The following BCAS3 variants were observed in gnomAD, a reference collection of about 807,000 sequenced individuals.
BCAS3 encodes BCAS4/BCAS3 fusion.
Under a neutral mutation model 116.1 loss-of-function variants are expected in BCAS3, and 53 were observed. The ratio of observed to expected loss-of-function variants is 0.46; its 90% CI spans 0.37 to 0.57. The LOEUF (loss-of-function observed/expected upper bound fraction) is 0.57, where lower values mean the gene tolerates loss of function less well. Among genes scored for constraint, BCAS3 ranks in the 20% least tolerant of loss-of-function variants. The probability of loss-of-function intolerance (pLI) is 0.00; values close to 1 mark genes in which losing one functional copy is unlikely to be tolerated. For missense variants in BCAS3, 917 were observed against 1,165.4 expected, an observed-to-expected ratio of 0.79 and a Z score of 3.10; for synonymous variants, 391 against 408.2, an observed-to-expected ratio of 0.96 and a Z score of 0.51.
intron 6 of BCAS3, among the ~76,000 whole-genome samples, chr17:60,752,422 AT>A (rs61036201): frequency 0.73 from 107,432 of 146,744 alleles, 44,433 homozygotes; most frequent in South Asian, 0.98. Flanking sequence ...TGTGTATTTC[AT>A]TTTTTTTTTT....
rs973724974 is a variant in BCAS3, at chr17:60,873,900, C to T, written c.585-762C>T. ...TTCATTTCCTTTTGAGACAGGATCT[C>T]ACTATGTTGCCTAGGCTGGTCTCAA... On this transcript the variant is annotated intron_variant, in intron 8 of 23. Transcript: ENST00000407086. 3.9e-5 allele frequency among the ~76,000 whole-genome samples: 6 copies of T among 152,086 alleles called. 1 individual carries two copies. In the South Asian group the frequency reaches 1.2e-3, roughly 32 times the overall value.
At chr17:60,972,802 A>T (rs1266207777) in intron 14 of BCAS3, among the ~76,000 whole-genome samples, 4 of 152,210 alleles carry the variant, frequency 2.6e-5, no homozygotes, top group Non-Finnish European at 5.9e-5. Flanking sequence ...ATGTTGAAGT[A>T]CATGGCTGGG....
At chr17:60,972,205 C>T (rs1313040238) in intron 14 of BCAS3, among the ~76,000 whole-genome samples, 2 of 152,144 alleles carry the variant, frequency 1.3e-5, no homozygotes, top group African/African-American at 4.8e-5. Flanking sequence ...GTTATATATT[C>T]ACCAACATAA....
intron 13 of BCAS3, among the ~76,000 whole-genome samples, chr17:60,932,617 C>G (rs1490364106): frequency 6.6e-6 from 1 of 151,672 alleles, no homozygotes; most frequent in African/African-American, 2.4e-5. Flanking sequence ...TGGCGGGCAC[C>G]TGTAGTCTCA....
intron 22 of BCAS3, among the ~76,000 whole-genome samples, chr17:61,328,021 T>C (rs927234594): frequency 4.6e-5 from 7 of 152,114 alleles, no homozygotes; most frequent in African/African-American, 9.7e-5. Flanking sequence ...CACAAAAATA[T>C]AGGTAAAATT....
At chr17:61,168,679 A>T (rs893449794) in intron 22 of BCAS3, among the ~76,000 whole-genome samples, 3 of 152,192 alleles carry the variant, frequency 2.0e-5, no homozygotes, top group Admixed American at 2.0e-4. Context: ...AATGTGGGAG[A>T]AGGAGCAGGT....
At position 61,151,275 on chromosome 17, in the gene BCAS3, T is replaced by C. The variant is rs58590400; in HGVS notation, c.2425+66711T>C. On this transcript the variant is annotated intron_variant, in intron 22 of 23. Coordinates refer to ENST00000407086, the MANE Select transcript of BCAS3 (RefSeq NM_017679.5). This position sits in a 1 kb window ranked among gnomAD's most constrained non-coding sequence, Gnocchi z 4.8. ...TAGGGATTCTCAACCAGTAAGTATA[T>C]AATGCAAATATTCTAAGATCTGAAA... 2.3e-3 allele frequency among the ~76,000 whole-genome samples: 347 copies of C among 152,230 alleles called. 4 individuals carry two copies. The highest frequency in any genetic ancestry group is 0.01 in the Middle Eastern group (3 of 294).
In BCAS3 at chr17:60,988,717, A is replaced by G. The variant is rs548618356; in HGVS notation, c.1222-1254A>G. ...ATAGTAGCCTCTAATGATCCTTTGAATTTCTGTAGTATCAGTCATAATGTC... is the reference window on the plus strand; with the variant it reads ...ATAGTAGCCTCTAATGATCCTTTGAGTTTCTGTAGTATCAGTCATAATGTC... On this transcript the variant is annotated intron_variant, in intron 14 of 23. Transcript: ENST00000407086. 1.5e-4 allele frequency among the ~76,000 whole-genome samples: 23 copies of G among 151,854 alleles called. No individual in the cohort carries two copies. In the East Asian group the frequency reaches 4.5e-3, roughly 29 times the overall value.
At position 61,023,609 on chromosome 17, in the gene BCAS3, T is replaced by G. The variant is rs1423050644; in HGVS notation, c.1637+7708T>G. Among the ~76,000 whole-genome samples, 1 of 152,170 alleles carries G rather than the reference T, an allele frequency of 6.6e-6. No homozygotes were observed. Among genetic ancestry groups the G allele is most frequent in the African/African-American group, 2.4e-5 (1 of 41,450 alleles). On this transcript the variant is annotated intron_variant, in intron 16 of 23. Transcript: ENST00000407086. The surrounding 1 kb of genome is among the most constrained non-coding windows in gnomAD (Gnocchi z 4.8). ...TTACCTTGTTTTCAGCTAGTAAGAT[T>G]GAAGACTTTGTGGCACCATGTGGCA...
chr17:60,865,014 A>G (rs2054475276), intron 7 of BCAS3, among the ~76,000 whole-genome samples: 1 of 152,152 alleles, frequency 6.6e-6, no homozygotes, highest in Admixed American at 6.6e-5. Context: ...AACAATTACA[A>G]TAATAACGTC....
chr17:61,105,824 A>G lies in BCAS3; in HGVS notation c.2425+21260A>G, dbSNP rs146873507. Reference sequence around the variant, plus strand: ...AGTACTGGTACACTTTGGGACAGAAAGGCAGCTAGGGATGTTTGGTTAAAT... The same window carrying G: ...AGTACTGGTACACTTTGGGACAGAAGGGCAGCTAGGGATGTTTGGTTAAAT... On this transcript the variant is annotated intron_variant, in intron 22 of 23. Coordinates refer to ENST00000407086, the MANE Select transcript of BCAS3 (RefSeq NM_017679.5). This position sits in a 1 kb window ranked among gnomAD's most constrained non-coding sequence, Gnocchi z 4.3. 6.6e-6 allele frequency among the ~76,000 whole-genome samples: 1 copy of G among 152,366 alleles called. No homozygotes were observed. The highest frequency in any genetic ancestry group is 6.5e-5 in the Admixed American group (1 of 15,308).
intron 15 of BCAS3, among the ~76,000 whole-genome samples, chr17:60,997,426 G>C (rs998088896): frequency 2.0e-5 from 3 of 152,162 alleles, no homozygotes; most frequent in African/African-American, 7.2e-5. Flanking sequence ...GTAAGGGGAA[G>C]CAGGAACATT....
intron 7 of BCAS3, among the ~76,000 whole-genome samples, chr17:60,850,840 A>G (rs931973331): frequency 6.6e-6 from 1 of 152,186 alleles, no homozygotes; most frequent in Admixed American, 6.5e-5. Flanking sequence ...AAAACAACAA[A>G]ATACTGATAC....
intron 18 of BCAS3, 49 bp from the exon 19 acceptor site, chr17:61,040,743 A>G: frequency 6.9e-7 from 1 of 1,441,276 alleles, no homozygotes; most frequent in East Asian, 2.3e-5. Flanking sequence ...GGTGATTTAC[A>G]TCCCATCTAT....
At chr17:60,775,417 TAACAAC>T (rs942844851) in intron 6 of BCAS3, among the ~76,000 whole-genome samples, 8 of 152,196 alleles carry the variant, frequency 5.3e-5, no homozygotes, top group Non-Finnish European at 1.0e-4. Flanking sequence ...CTTTTAGTCT[TAACAAC>T]AAGAAGTGTG....
chr17:61,311,630 C>T (rs543140821), intron 22 of BCAS3, among the ~76,000 whole-genome samples: 1 of 152,276 alleles, frequency 6.6e-6, no homozygotes, highest in South Asian at 2.1e-4. Flanking sequence ...CGCGGTGGCT[C>T]ACGCCTGTAA....
At chr17:60,886,184 T>C (rs2056619911) in intron 9 of BCAS3, among the ~76,000 whole-genome samples, 1 of 144,834 alleles carries the variant, frequency 6.9e-6, no homozygotes, top group African/African-American at 2.6e-5. Context: ...TCTCGCTTCA[T>C]TTCATTCATT....
chr17:61,096,548 A>G (rs1013135093), intron 22 of BCAS3, among the ~76,000 whole-genome samples: 1 of 152,096 alleles, frequency 6.6e-6, no homozygotes, highest in Non-Finnish European at 1.5e-5. Flanking sequence ...CAGAGGGGAA[A>G]CCCTGTCTCA....
intron 22 of BCAS3, among the ~76,000 whole-genome samples, chr17:61,275,544 C>G (rs2050696031): frequency 6.6e-6 from 1 of 152,130 alleles, no homozygotes; most frequent in Admixed American, 6.5e-5. Flanking sequence ...CCTTGTCGCC[C>G]AGGCTGGAGT....
Sources: gnomAD v4.1 joint callset for allele counts (sites outside exome capture counted in the v4.1 genomes callset) on GRCh38, gnomAD v4.1.1 for gene constraint, Gnocchi (gnomAD v3.1) non-coding constraint, MANE v1.5 for transcripts, NCBI Gene and HGNC (gene_info 2026-07-23, HGNC 2026-07-21) for gene names.